The following MCC variants were observed in gnomAD, a reference collection of about 807,000 sequenced individuals.
MCC encodes the protein colorectal mutant cancer protein.
In MCC, 90 loss-of-function variants were observed where a neutral mutation model predicts 116.2. The ratio of observed to expected loss-of-function variants is 0.77; its 90% CI spans 0.65 to 0.92. The LOEUF (loss-of-function observed/expected upper bound fraction) is 0.92, where lower values mean the gene tolerates loss of function less well. Among genes scored for constraint, MCC ranks in the 40% least tolerant of loss-of-function variants. The pLI, the probability that MCC is intolerant of heterozygous loss-of-function variation, is 0.00. For missense variants in MCC, 1,516 were observed against 1,312.2 expected, an observed-to-expected ratio of 1.16 and a Z score of -2.40; for synonymous variants, 578 against 510.5, an observed-to-expected ratio of 1.13 and a Z score of -1.78.
chr5:113,212,637 C>T (rs1763174195), intron 3 of MCC, among the ~76,000 whole-genome samples: 1 of 152,202 alleles, frequency 6.6e-6, no homozygotes, highest in African/African-American at 2.4e-5. Context: ...TTTTAGGCAA[C>T]ACCACCTGCA....
intron 3 of MCC, among the ~76,000 whole-genome samples, chr5:113,268,930 G>A (rs1227724811): frequency 6.6e-6 from 1 of 152,144 alleles, no homozygotes; most frequent in African/African-American, 2.4e-5. Context: ...AATATTAACG[G>A]TGACTGATGT....
At chr5:113,078,260 G>A (rs4705774) in intron 11 of MCC, among the ~76,000 whole-genome samples, 151,419 of 152,346 alleles carry the variant, frequency 0.99, 75,261 homozygotes, top group Non-Finnish European at 1. Flanking sequence ...TTCTGAAACT[G>A]TTCCAATCAA....
intron 2 of MCC, among the ~76,000 whole-genome samples, chr5:113,360,576 G>A (rs890758465): frequency 1.3e-5 from 2 of 152,136 alleles, no homozygotes; most frequent in African/African-American, 2.4e-5. Context: ...TTTGTGGAAA[G>A]ATTTTTTAAA....
intron 1 of MCC, among the ~76,000 whole-genome samples, chr5:113,399,346 G>C (rs950516596): frequency 6.6e-6 from 1 of 152,052 alleles, no homozygotes; most frequent in Non-Finnish European, 1.5e-5. Context: ...TTAGCCGGGC[G>C]TGGTGGCAGG....
Position 113,110,298 on chromosome 5 carries a change from G to A in MCC, c.1028-5943C>T, listed in dbSNP as rs531359171. 3.3e-5 allele frequency among the ~76,000 whole-genome samples: 5 copies of A among 152,316 alleles called. No homozygotes were observed. In the East Asian group the frequency reaches 7.7e-4, roughly 23 times the overall value. On this transcript the variant is annotated intron_variant, in intron 6 of 18. Transcript: ENST00000408903. ...ACGGTGACTGGATCAGGGAAAGGCTGGGAGCAAACGGAGGCTGACACAGCA... is the reference window on the plus strand; with the variant it reads ...ACGGTGACTGGATCAGGGAAAGGCTAGGAGCAAACGGAGGCTGACACAGCA...
intron 1 of MCC, among the ~76,000 whole-genome samples, chr5:113,400,180 T>C (rs1769644413): frequency 7.4e-6 from 1 of 134,660 alleles, no homozygotes; most frequent in African/African-American, 2.9e-5. Flanking sequence ...TGGAGTGCAG[T>C]GGTGCGATCT....
intron 11 of MCC, among the ~76,000 whole-genome samples, chr5:113,078,274 A>T (rs550484338): frequency 6.6e-6 from 1 of 152,382 alleles, no homozygotes; most frequent in East Asian, 1.9e-4. Flanking sequence ...CAATCAATAG[A>T]AAAAGAGGGA....
At chr5:113,364,261 C>CAA (rs1561538962) in intron 2 of MCC, among the ~76,000 whole-genome samples, 16 of 79,768 alleles carry the variant, frequency 2.0e-4, no homozygotes, top group African/African-American at 5.2e-4. Context: ...AAAAAAAAAA[C>CAA]CAGAAAAAAA....
intron 3 of MCC, among the ~76,000 whole-genome samples, chr5:113,179,324 T>G (rs80267900): frequency 0.02 from 2,992 of 152,328 alleles, 77 homozygotes; most frequent in East Asian, 0.061. Context: ...TCAACACTGC[T>G]TTAATCCATT....
intron 11 of MCC, among the ~76,000 whole-genome samples, chr5:113,073,006 T>A (rs1434644189): frequency 6.6e-6 from 1 of 152,170 alleles, no homozygotes; most frequent in African/African-American, 2.4e-5. Context: ...AGACCAAGCT[T>A]GTCCAACCTG....
intron 1 of MCC, among the ~76,000 whole-genome samples, chr5:113,414,413 G>A (rs1430351153): frequency 6.6e-6 from 1 of 152,180 alleles, no homozygotes; most frequent in Non-Finnish European, 1.5e-5. Flanking sequence ...AAGTCTCTTT[G>A]TAGGTCTCTA....
At chr5:113,449,075 C>T (rs78310777) in intron 1 of MCC, among the ~76,000 whole-genome samples, 1,763 of 152,294 alleles carry the variant, frequency 0.012, 15 homozygotes, top group Middle Eastern at 0.048. Flanking sequence ...TCAGGAAAAT[C>T]CTACAGAGGG....
At chr5:113,045,576 G>A (rs1051642263) in intron 16 of MCC, among the ~76,000 whole-genome samples, 1 of 152,172 alleles carries the variant, frequency 6.6e-6, no homozygotes, top group Non-Finnish European at 1.5e-5. Flanking sequence ...AAGGCAGGTA[G>A]ATCACTTGAT....
At chr5:113,139,402 T>C (rs1759040938) in intron 5 of MCC, among the ~76,000 whole-genome samples, 1 of 152,168 alleles carries the variant, frequency 6.6e-6, no homozygotes, top group Admixed American at 6.5e-5. Flanking sequence ...GGAAAAGTCC[T>C]ATCAATAAAG....
chr5:113,174,437 T>A (rs975822790), intron 3 of MCC, among the ~76,000 whole-genome samples: 1 of 152,128 alleles, frequency 6.6e-6, no homozygotes, highest in African/African-American at 2.4e-5. Context: ...TACAAAGATA[T>A]TTATTATAGC....
intron 1 of MCC, among the ~76,000 whole-genome samples, chr5:113,420,047 TAAAAA>T (rs1561561876): frequency 6.8e-6 from 1 of 147,908 alleles, no homozygotes; most frequent in East Asian, 2.0e-4. Flanking sequence ...AAAATAAAAA[TAAAAA>T]AGAAAAGAAA....
intron 15 of MCC, among the ~76,000 whole-genome samples, chr5:113,049,621 T>C (rs897096074): frequency 3.3e-5 from 5 of 152,222 alleles, no homozygotes; most frequent in African/African-American, 4.8e-5. Flanking sequence ...CTCAGGCACA[T>C]GGGCCTTGAT....
intron 14 of MCC, among the ~76,000 whole-genome samples, chr5:113,059,908 A>C (rs2150227096): frequency 6.6e-6 from 1 of 152,186 alleles, no homozygotes; most frequent in Non-Finnish European, 1.5e-5. Flanking sequence ...TCGACGTCAA[A>C]TATCCTCTCT....
intron 3 of MCC, among the ~76,000 whole-genome samples, chr5:113,222,996 A>G (rs1415690221): frequency 6.6e-6 from 1 of 152,244 alleles, no homozygotes; most frequent in Non-Finnish European, 1.5e-5. Flanking sequence ...TAGGGCTCAG[A>G]TATTTTTCTG....
Sources: gnomAD v4.1 joint callset for allele counts (sites outside exome capture counted in the v4.1 genomes callset) on GRCh38, gnomAD v4.1.1 for gene constraint, MANE v1.5 for transcripts, NCBI Gene and HGNC (gene_info 2026-07-23, HGNC 2026-07-21) for gene names.